The following ATP8A2 variants were observed in gnomAD, a reference collection of about 807,000 sequenced individuals.
ATP8A2 encodes phospholipid-transporting ATPase IB.
ATP8A2 carries 100 observed loss-of-function variants against 165.6 expected under a neutral mutation model. The ratio of observed to expected loss-of-function variants is 0.60; its 90% CI spans 0.51 to 0.71. ATP8A2 has a LOEUF of 0.71. Among genes scored for constraint, ATP8A2 ranks in the 30% least tolerant of loss-of-function variants. The probability of loss-of-function intolerance (pLI) is 0.00; values close to 1 mark genes in which losing one functional copy is unlikely to be tolerated. For missense variants in ATP8A2, 1,227 were observed against 1,479.5 expected (o/e 0.83, Z 2.80); for synonymous variants, 543 against 548.8 (o/e 0.99, Z 0.15).
intron 2 of ATP8A2, among the ~76,000 whole-genome samples, chr13:25,519,111 G>A (rs752459325): frequency 1.3e-5 from 2 of 152,124 alleles, no homozygotes; most frequent in Non-Finnish European, 2.9e-5. Context: ...GGAGCAACGG[G>A]AGCTCTCCCA....
At chr13:25,934,826 A>AG (rs1474035631) in intron 33 of ATP8A2, among the ~76,000 whole-genome samples, 1 of 152,178 alleles carries the variant, frequency 6.6e-6, no homozygotes, top group African/African-American at 2.4e-5. Context: ...GAAAAGACAA[A>AG]GAAAAAAAAC....
At chr13:25,469,159 A>G (rs765753391) in intron 2 of ATP8A2, 38 bp downstream of exon 2, 2 of 1,608,000 alleles carry the variant, frequency 1.2e-6, no homozygotes, top group South Asian at 1.1e-5. Flanking sequence ...AAGGCGGTGG[A>G]GTCACAGCTG....
intron 1 of ATP8A2, among the ~76,000 whole-genome samples, chr13:25,404,931 C>T (rs2033752657): frequency 6.6e-6 from 1 of 152,074 alleles, no homozygotes; most frequent in Non-Finnish European, 1.5e-5. Flanking sequence ...ACCTCAACAT[C>T]TAAGGGAGAA....
At chr13:25,547,176 TAAAC>T (rs2038678793) in intron 10 of ATP8A2, among the ~76,000 whole-genome samples, 4 of 151,012 alleles carry the variant, frequency 2.6e-5, no homozygotes, top group South Asian at 2.1e-4. Flanking sequence ...ACAAATAAAA[TAAAC>T]AAAACACAAG....
chr13:25,854,523 C>T (rs1398187828), intron 30 of ATP8A2, among the ~76,000 whole-genome samples: 2 of 152,132 alleles, frequency 1.3e-5, no homozygotes, highest in African/African-American at 4.8e-5. Flanking sequence ...GATAGGGTTA[C>T]CCAGGCTGGT....
chr13:25,870,889 G>GA (rs1384296129), intron 33 of ATP8A2, among the ~76,000 whole-genome samples: 1 of 152,206 alleles, frequency 6.6e-6, no homozygotes, highest in African/African-American at 2.4e-5. Flanking sequence ...TGTTTGAGCT[G>GA]CAATCTTCTG....
intron 24 of ATP8A2, among the ~76,000 whole-genome samples, chr13:25,658,137 G>A (rs141564310): frequency 6.6e-6 from 1 of 152,326 alleles, no homozygotes; most frequent in Non-Finnish European, 1.5e-5. Flanking sequence ...TAACTTAGAG[G>A]TGATGAACTC....
At chr13:25,654,449 C>T (rs552271609) in intron 24 of ATP8A2, among the ~76,000 whole-genome samples, 42 of 152,328 alleles carry the variant, frequency 2.8e-4, no homozygotes, top group African/African-American at 7.0e-4. Context: ...AATGATCTGC[C>T]CGCCTTGGCC....
intron 27 of ATP8A2, among the ~76,000 whole-genome samples, chr13:25,793,339 T>A (rs1593355895): frequency 1.3e-5 from 2 of 152,162 alleles, no homozygotes; most frequent in South Asian, 4.1e-4. Context: ...ATTACAAGAG[T>A]ACTACATAGA....
At chr13:25,811,488 A>G (rs903854308) in intron 27 of ATP8A2, among the ~76,000 whole-genome samples, 1 of 152,210 alleles carries the variant, frequency 6.6e-6, no homozygotes, top group Non-Finnish European at 1.5e-5. Context: ...TAATATCATT[A>G]AAAATGATTA....
chr13:25,792,834 A>G (rs112730342), intron 27 of ATP8A2, among the ~76,000 whole-genome samples: 5,121 of 151,990 alleles, frequency 0.034, 294 homozygotes, highest in African/African-American at 0.12. Context: ...TGAGGCAGGA[A>G]GACTGATTAA....
At chr13:25,562,168 C>G (rs1367983153) in intron 15 of ATP8A2, among the ~76,000 whole-genome samples, 2 of 152,090 alleles carry the variant, frequency 1.3e-5, no homozygotes, top group Non-Finnish European at 2.9e-5. Context: ...TATGGTAATT[C>G]TGTGTTTGAC....
intron 2 of ATP8A2, among the ~76,000 whole-genome samples, chr13:25,470,481 G>A (rs1412392176): frequency 6.6e-6 from 1 of 152,154 alleles, no homozygotes; most frequent in Admixed American, 6.5e-5. Flanking sequence ...TACTGATGGG[G>A]ATGAAAAACG....
intron 35 of ATP8A2, among the ~76,000 whole-genome samples, chr13:25,977,007 T>C (rs916431742): frequency 2.1e-5 from 3 of 140,730 alleles, no homozygotes; most frequent in Non-Finnish European, 3.1e-5. Flanking sequence ...AGGCTGGTCT[T>C]GAACTCCTGA....
intron 1 of ATP8A2, among the ~76,000 whole-genome samples, chr13:25,419,718 G>A (rs748012789): frequency 6.6e-6 from 1 of 152,114 alleles, no homozygotes; most frequent in Non-Finnish European, 1.5e-5. Flanking sequence ...ATAATATCTT[G>A]CTTCAGGGAA....
chr13:25,508,492 T>C (rs1293503609), intron 2 of ATP8A2, among the ~76,000 whole-genome samples: 1 of 152,212 alleles, frequency 6.6e-6, no homozygotes, highest in East Asian at 1.9e-4. Context: ...TTAAAAAGGA[T>C]GAATTAGAAT....
At chr13:25,439,847 T>C (rs1310443739) in intron 1 of ATP8A2, among the ~76,000 whole-genome samples, 2 of 151,648 alleles carry the variant, frequency 1.3e-5, no homozygotes, top group African/African-American at 4.9e-5. Flanking sequence ...TTTGTGGTTA[T>C]GGTAAGCTAT....
chr13:25,688,500 C>T (rs880605), intron 24 of ATP8A2, among the ~76,000 whole-genome samples: 15,912 of 152,126 alleles, frequency 0.1, 952 homozygotes, highest in East Asian at 0.26. Flanking sequence ...ATTTTTTTCA[C>T]TTACTGATTT....
At chr13:25,960,818 A>G (rs1955641866) in intron 33 of ATP8A2, among the ~76,000 whole-genome samples, 1 of 152,052 alleles carries the variant, frequency 6.6e-6, no homozygotes, top group Non-Finnish European at 1.5e-5. Flanking sequence ...CTCCCAAGCT[A>G]TCCCTGACCA....
Sources: allele counts gnomAD v4.1 joint callset (sites outside exome capture counted in the v4.1 genomes callset), GRCh38; gene constraint gnomAD v4.1.1; transcripts MANE v1.5; gene names NCBI Gene and HGNC (gene_info 2026-07-23, HGNC 2026-07-21).